The following FGF12 variants were observed in gnomAD, a reference collection of about 807,000 sequenced individuals.
FGF12 encodes fibroblast growth factor 12B.
A neutral mutation model predicts 23.6 loss-of-function variants in FGF12; 14 were observed. The observed-to-expected ratio is 0.59, with a 90% CI of 0.39 to 0.93. The LOEUF (loss-of-function observed/expected upper bound fraction) is 0.93. FGF12 is among the 40% of genes least tolerant of loss of function. FGF12 has a pLI of 0.00. For synonymous variants in FGF12, 62 were observed against 77.3 expected, an observed-to-expected ratio of 0.80 and a Z score of 1.04; for missense variants, 175 against 217.8, an observed-to-expected ratio of 0.80 and a Z score of 1.24.
intron 2 of FGF12, among the ~76,000 whole-genome samples, chr3:192,533,327 T>C (rs1725141561): frequency 6.6e-6 from 1 of 152,204 alleles, no homozygotes; most frequent in Middle Eastern, 3.2e-3. Flanking sequence ...GTGAGTTTTG[T>C]AATTCAGGTT....
intron 4 of FGF12, among the ~76,000 whole-genome samples, chr3:192,331,215 G>A (rs992655859): frequency 3.2e-4 from 48 of 149,790 alleles, no homozygotes; most frequent in African/African-American, 1.1e-3. Context: ...AAAGTATCAA[G>A]TGTTAGCAAG....
chr3:192,378,080 T>TTCTGTCTTTCTTTCTTTCTG (rs1553805089), intron 2 of FGF12, among the ~76,000 whole-genome samples: 1 of 105,806 alleles, frequency 9.5e-6, no homozygotes, highest in Non-Finnish European at 2.0e-5. Context: ...CTTTCTTTCT[T>TTCTGTCTTTCTTTCTTTCTG]TCTTTCTTTC....
At chr3:192,223,958 T>G (rs532365984) in intron 4 of FGF12, among the ~76,000 whole-genome samples, 12 of 152,114 alleles carry the variant, frequency 7.9e-5, no homozygotes, top group Admixed American at 2.6e-4. Flanking sequence ...AGACAAAGTG[T>G]ATAGAGTGAG....
At chr3:192,479,253 T>G (rs1361972855) in intron 2 of FGF12, among the ~76,000 whole-genome samples, 1 of 152,066 alleles carries the variant, frequency 6.6e-6, no homozygotes, top group African/African-American at 2.4e-5. Context: ...ATGTTTAGAG[T>G]CTAACACCAT....
At chr3:192,365,471 T>C (rs1577392447) in intron 2 of FGF12, among the ~76,000 whole-genome samples, 1 of 152,228 alleles carries the variant, frequency 6.6e-6, no homozygotes, top group South Asian at 2.1e-4. Context: ...ATATAGATTC[T>C]TCATTGTGAC....
chr3:192,598,752 A>C (rs2701583), intron 2 of FGF12, among the ~76,000 whole-genome samples: 34,319 of 152,116 alleles, frequency 0.23, 4,587 homozygotes, highest in East Asian at 0.34. Flanking sequence ...ATATCAAGGC[A>C]CTTAGATTAA....
chr3:192,505,569 A>G (rs931099908), intron 2 of FGF12, among the ~76,000 whole-genome samples: 1 of 152,216 alleles, frequency 6.6e-6, no homozygotes, highest in Non-Finnish European at 1.5e-5. Flanking sequence ...CTCTACAGAG[A>G]TTTTACATTT....
chr3:192,338,490 A>G (rs115715807), intron 3 of FGF12, among the ~76,000 whole-genome samples: 2,229 of 152,302 alleles, frequency 0.015, 40 homozygotes, highest in South Asian at 0.027. Context: ...TCATCACATC[A>G]TTATAAGCTT....
chr3:192,477,449 T>C lies in FGF12; in HGVS notation c.14-116911A>G, dbSNP rs370740031. Among the ~76,000 whole-genome samples the C allele has an allele frequency of 1.6e-4, 24 of 152,350 alleles. No homozygotes were observed. The East Asian group carries it at 3.7e-3, about 23-fold the overall frequency. On this transcript the variant is annotated intron_variant, in intron 2 of 5. Transcript: ENST00000445105. ...AAAAATTCTATTGCAGTATAGTTTA[T>C]AGACAATTTTTAGTTACCTGTATTA...
At chr3:192,431,168 G>A (rs1721848300) in intron 2 of FGF12, among the ~76,000 whole-genome samples, 1 of 152,088 alleles carries the variant, frequency 6.6e-6, no homozygotes, top group African/African-American at 2.4e-5. Flanking sequence ...TCTAACAAAG[G>A]CAAAAACGGC....
rs575422404 is a variant in FGF12, at chr3:192,264,951, T to C, written c.228+70410A>G. On this transcript the variant is annotated intron_variant, in intron 4 of 5. Coordinates refer to ENST00000445105, the MANE Select transcript of FGF12 (RefSeq NM_004113.6). ...GGTGTGTTAGAATTCACTAGGTATA[T>C]TGAAGTATACAGGATATCATCAATG... Among the ~76,000 whole-genome samples the C allele has an allele frequency of 3.3e-5, 5 of 152,292 alleles. No homozygotes were observed. The South Asian group carries it at 1.0e-3, about 32-fold the overall frequency.
intron 4 of FGF12, among the ~76,000 whole-genome samples, chr3:192,217,664 T>G (rs1361751527): frequency 6.6e-6 from 1 of 152,188 alleles, no homozygotes; most frequent in Admixed American, 6.5e-5. Flanking sequence ...AAAATCAAAT[T>G]TGAAGATGTT....
At chr3:192,523,686 A>G (rs1379718502) in intron 2 of FGF12, among the ~76,000 whole-genome samples, 1 of 152,236 alleles carries the variant, frequency 6.6e-6, no homozygotes, top group Non-Finnish European at 1.5e-5. Flanking sequence ...AACAATATTC[A>G]TTTCTATTCA....
In FGF12 at chr3:192,482,628, C is replaced by T. The variant is rs151119562; in HGVS notation, c.14-122090G>A. Among the ~76,000 whole-genome samples the T allele has an allele frequency of 1.6e-3, 238 of 152,068 alleles. 3 individuals are homozygous for T. In the East Asian group the frequency reaches 0.021, roughly 13 times the overall value. On this transcript the variant is annotated intron_variant, in intron 2 of 5. Transcript: ENST00000445105. ...CAGCCTGGGCAACAAAACGGGATTC[C>T]GTCTCAAAAAACAAAAAACAAAAAA...
chr3:192,581,133 T>G lies in FGF12; in HGVS notation c.13+146048A>C, dbSNP rs189763146. 2.4e-3 allele frequency among the ~76,000 whole-genome samples: 359 copies of G among 152,332 alleles called. 2 individuals carry two copies. The highest frequency in any genetic ancestry group is 3.9e-3 in the Non-Finnish European group (263 of 68,032). On this transcript the variant is annotated intron_variant, in intron 2 of 5. Coordinates refer to ENST00000445105, the MANE Select transcript of FGF12 (RefSeq NM_004113.6). ...AGGGAATGGTTAATTATGAAATCAT[T>G]GTTTCATAGATAATTGTTATCATTA...
intron 2 of FGF12, among the ~76,000 whole-genome samples, chr3:192,518,883 CCT>C (rs1724745108): frequency 6.6e-6 from 1 of 152,002 alleles, no homozygotes; most frequent in African/African-American, 2.4e-5. Context: ...CCTTCCCCTC[CCT>C]GACTCCTGTT....
chr3:192,352,888 C>A (rs189639578), intron 3 of FGF12, among the ~76,000 whole-genome samples: 1 of 152,194 alleles, frequency 6.6e-6, no homozygotes, highest in Non-Finnish European at 1.5e-5. Context: ...CTCTCTAGAT[C>A]TTTAAACACA....
chr3:192,337,404 G>C (rs1717472328), intron 3 of FGF12, among the ~76,000 whole-genome samples: 1 of 152,104 alleles, frequency 6.6e-6, no homozygotes, highest in Admixed American at 6.6e-5. Context: ...TATGCAGAAA[G>C]GGACTGGCAG....
At chr3:192,619,467 G>A (rs1022352542) in intron 2 of FGF12, among the ~76,000 whole-genome samples, 4 of 152,116 alleles carry the variant, frequency 2.6e-5, no homozygotes, top group Non-Finnish European at 5.9e-5. Flanking sequence ...CCCATCAGTC[G>A]CTCTAGCCAA....
Sources: allele counts gnomAD v4.1 joint callset (sites outside exome capture counted in the v4.1 genomes callset), GRCh38; gene constraint gnomAD v4.1.1; transcripts MANE v1.5; gene names NCBI Gene and HGNC (gene_info 2026-07-23, HGNC 2026-07-21).